SDCCAG8: variants seen among roughly 807,000 people sequenced by gnomAD.
SDCCAG8 encodes the protein serologically defined colon cancer antigen 8.
SDCCAG8 carries 74 observed loss-of-function variants against 101.8 expected under a neutral mutation model. That is an observed-to-expected ratio of 0.73 (90% CI 0.60 to 0.88). The LOEUF (loss-of-function observed/expected upper bound fraction) is 0.88, where lower values mean the gene tolerates loss of function less well. Ranked by LOEUF, SDCCAG8 falls within the 40% of genes least tolerant of loss-of-function variation. SDCCAG8 has a pLI of 0.00. For missense variants in SDCCAG8, 787 were observed against 822.6 expected (o/e 0.96, Z 0.53); for synonymous variants, 281 against 292.9 (o/e 0.96, Z 0.41).
At chr1:243,437,534 T>C (rs1279091515) in intron 16 of SDCCAG8, among the ~76,000 whole-genome samples, 2 of 149,524 alleles carry the variant, frequency 1.3e-5, no homozygotes, top group Non-Finnish European at 3.0e-5. Flanking sequence ...AGGAATTCTT[T>C]TTTTTTTTTT....
chr1:243,295,837 A>G (rs185126739), intron 6 of SDCCAG8, among the ~76,000 whole-genome samples: 2 of 152,038 alleles, frequency 1.3e-5, no homozygotes, highest in Admixed American at 6.5e-5. Flanking sequence ...CACTGTGTTT[A>G]TGACTATTGG....
At chr1:243,497,344 G>GA (rs1488909879) in intron 17 of SDCCAG8, among the ~76,000 whole-genome samples, 1 of 143,072 alleles carries the variant, frequency 7.0e-6, no homozygotes, top group African/African-American at 2.5e-5. Flanking sequence ...GGGTGGGGGG[G>GA]GGGGCGTTGA....
At chr1:243,493,374 G>A (rs547357943) in intron 17 of SDCCAG8, among the ~76,000 whole-genome samples, 12 of 152,174 alleles carry the variant, frequency 7.9e-5, no homozygotes, top group Non-Finnish European at 1.3e-4. Flanking sequence ...AGCTGGTGAG[G>A]AAACATGAGT....
At chr1:243,340,471 G>A (rs1195873012) in intron 10 of SDCCAG8, among the ~76,000 whole-genome samples, 1 of 152,128 alleles carries the variant, frequency 6.6e-6, no homozygotes, top group Non-Finnish European at 1.5e-5. Context: ...GATAATGGCT[G>A]AGCTGAAACC....
intron 12 of SDCCAG8, among the ~76,000 whole-genome samples, chr1:243,371,093 G>A (rs1354682672): frequency 6.6e-6 from 1 of 152,094 alleles, no homozygotes; most frequent in Non-Finnish European, 1.5e-5. Flanking sequence ...CAGGCCCAGG[G>A]CTTTGCACAT....
At chr1:243,312,723 AAAT>A (rs1316698765) in intron 8 of SDCCAG8, among the ~76,000 whole-genome samples, 3 of 151,698 alleles carry the variant, frequency 2.0e-5, no homozygotes, top group Admixed American at 2.0e-4. Context: ...AAAAAAAAAA[AAAT>A]AATGGCTTGT....
intron 1 of SDCCAG8, among the ~76,000 whole-genome samples, chr1:243,269,379 T>G (rs1303390887): frequency 2.0e-5 from 3 of 150,220 alleles, no homozygotes; most frequent in Non-Finnish European, 4.4e-5. Context: ...CTCGGCTCGC[T>G]GCAACCCCTT....
intron 16 of SDCCAG8, among the ~76,000 whole-genome samples, chr1:243,457,329 C>T (rs775232606): frequency 2.6e-5 from 4 of 152,012 alleles, no homozygotes; most frequent in Non-Finnish European, 5.9e-5. Context: ...TGTAAATGTC[C>T]GCATTGTTTA....
At chr1:243,427,937 G>C (rs984378494) in intron 16 of SDCCAG8, among the ~76,000 whole-genome samples, 1 of 152,192 alleles carries the variant, frequency 6.6e-6, no homozygotes, top group African/African-American at 2.4e-5. Context: ...GGTCTCCGTG[G>C]CATAGTCTTC....
intron 13 of SDCCAG8, among the ~76,000 whole-genome samples, chr1:243,403,656 G>A (rs79067420): frequency 1.1e-5 from 1 of 94,106 alleles, no homozygotes; most frequent in African/African-American, 1.2e-4. Flanking sequence ...GGATTCCCAT[G>A]GGGCGCTAAC....
chr1:243,499,640 G>A lies in SDCCAG8; in HGVS notation c.2113-116G>A. 7.1e-6 allele frequency: 6 copies of A among 846,940 alleles called. No homozygotes were observed. In the South Asian group the frequency reaches 8.5e-5, roughly 12 times the overall value. 52.5% of individuals were successfully genotyped at this position (846,940 alleles called of 1,614,324 possible). A position where few individuals can be genotyped will look rare whatever the true frequency, so the allele number is the denominator to read the frequency against. On this transcript the variant is annotated intron_variant, in intron 17 of 17. Coordinates refer to ENST00000366541, the MANE Select transcript of SDCCAG8 (RefSeq NM_006642.5). ...ATAATTTCCACATTTTTAGCAACAG[G>A]TTTTTTTCTCCAACAACAGTTTTCA...
At position 243,483,200 on chromosome 1, in the gene SDCCAG8, G is replaced by A. The variant is rs538028627; in HGVS notation, c.1986-5814G>A. ...GCACGGGGCGGCGGCTGCGGAGCCC[G>A]GGGAGGAGGCGGCGGGCGCCCGGGT... On this transcript the variant is annotated intron_variant, in intron 16 of 17. Coordinates refer to ENST00000366541, the MANE Select transcript of SDCCAG8 (RefSeq NM_006642.5). Among the ~76,000 whole-genome samples, 34 of 152,194 alleles carry A rather than the reference G, an allele frequency of 2.2e-4. 1 individual carries two copies. Among genetic ancestry groups the A allele is most frequent in the Admixed American group, 1.4e-3 (22 of 15,298 alleles).
rs368200875 is a variant in SDCCAG8, at chr1:243,286,372, G to A, written c.521G>A (p.Arg174Lys). 6.2e-6 allele frequency: 10 copies of A among 1,613,920 alleles called. No individual in the cohort carries two copies. The highest frequency in any genetic ancestry group is 8.5e-6 in the Non-Finnish European group (10 of 1,179,918). The part of the protein sequence containing the change: ...LKSQRQEETL[R>K]EQTLLDASGN... ...TCTCAAAGACAAGAGGAGACACTGAGGGAACAAACACTTCTGGATGCATCC... is the reference window on the plus strand; with the variant it reads ...TCTCAAAGACAAGAGGAGACACTGAAGGAACAAACACTTCTGGATGCATCC... Residue 174 changes from arginine to lysine, a missense_variant, in exon 5 of 18, where the codon AGG becomes AAG. Arg to Lys is a conservative substitution (Grantham distance 26). Transcript: ENST00000366541.
chr1:243,260,250 G>A (rs4146968), intron 1 of SDCCAG8, among the ~76,000 whole-genome samples: 121,773 of 152,164 alleles, frequency 0.8, 49,534 homozygotes, highest in East Asian at 0.94. Context: ...AAGTGTATGT[G>A]TCCTGGGTAT....
At chr1:243,341,013 T>A in intron 10 of SDCCAG8, 26 bp from the exon 11 acceptor site, 1 of 1,608,474 alleles carries the variant, frequency 6.2e-7, no homozygotes, top group Non-Finnish European at 8.5e-7. Context: ...GACATTATTG[T>A]TTAGGACTTT....
rs963579763 is a variant in SDCCAG8, at chr1:243,307,894, A to G, written c.741-95A>G. The G allele has an allele frequency of 3.8e-6, 6 of 1,590,370 alleles. No individual in the cohort carries two copies. The South Asian group carries it at 5.6e-5, about 15-fold the overall frequency. On this transcript the variant is annotated intron_variant, in intron 7 of 17. Transcript: ENST00000366541. ...AAACTAAAGCATAAGGTGAGTACCC[A>G]TAAACGATAGTAGTAGTTAACATTA...
At chr1:243,350,935 T>C (rs1239027619) in intron 12 of SDCCAG8, among the ~76,000 whole-genome samples, 1 of 152,206 alleles carries the variant, frequency 6.6e-6, no homozygotes, top group East Asian at 1.9e-4. Flanking sequence ...TAAAAGTGGG[T>C]AACAGCAGTG....
chr1:243,406,440 C>G lies in SDCCAG8; in HGVS notation c.1617-9262C>G, dbSNP rs1260681689. Among the ~76,000 whole-genome samples, 3 of 152,156 alleles carry G rather than the reference C, an allele frequency of 2.0e-5. No homozygotes were observed. The East Asian group carries it at 5.8e-4, about 29-fold the overall frequency. ...CACTGAGGCTGTTCAGTCTCAGTAT[C>G]TACCTATGGTATCTACCGTATCTAA... On this transcript the variant is annotated intron_variant, in intron 13 of 17. Coordinates refer to ENST00000366541, the MANE Select transcript of SDCCAG8 (RefSeq NM_006642.5).
intron 15 of SDCCAG8, among the ~76,000 whole-genome samples, chr1:243,419,702 T>C (rs2080853684): frequency 6.6e-6 from 1 of 152,244 alleles, no homozygotes; most frequent in East Asian, 1.9e-4. Context: ...GGTTCCAAAG[T>C]ATACGTTCTT....
Sources: allele counts gnomAD v4.1 joint callset (sites outside exome capture counted in the v4.1 genomes callset), GRCh38; gene constraint gnomAD v4.1.1; transcripts MANE v1.5; gene names NCBI Gene and HGNC (gene_info 2026-07-23, HGNC 2026-07-21).